The following USP49 variants were observed in gnomAD, a reference collection of about 807,000 sequenced individuals.
The protein encoded by USP49 is ubiquitin specific peptidase 49.
Under a neutral mutation model 58.6 loss-of-function variants are expected in USP49, and 24 were observed. The observed-to-expected ratio is 0.41, with a 90% CI of 0.30 to 0.58. The LOEUF is 0.58. Among genes scored for constraint, USP49 ranks in the 20% least tolerant of loss-of-function variants. The probability of loss-of-function intolerance (pLI) is 0.30; values close to 1 mark genes in which losing one functional copy is unlikely to be tolerated. For missense variants in USP49, 703 were observed against 866.1 expected (o/e 0.81, Z 2.36); for synonymous variants, 408 against 365.1 (o/e 1.12, Z -1.34).
At chr6:41,872,380 G>A (rs936093396) in intron 2 of USP49, among the ~76,000 whole-genome samples, 10 of 150,934 alleles carry the variant, frequency 6.6e-5, no homozygotes, top group African/African-American at 1.2e-4. Flanking sequence ...GGCGTCCGCC[G>A]CCCCATCTGG....
At chr6:41,823,219 TGGAAA>T (rs1298183964) in intron 3 of USP49, among the ~76,000 whole-genome samples, 1 of 152,126 alleles carries the variant, frequency 6.6e-6, no homozygotes, top group Non-Finnish European at 1.5e-5. Flanking sequence ...GGGATGGAGA[TGGAAA>T]GGAGACTCAG....
At position 41,798,808 on chromosome 6, in the gene USP49, A is replaced by G; in HGVS notation, c.1792T>C (p.Tyr598His). 1.9e-6 allele frequency: 3 copies of G among 1,614,076 alleles called. No homozygotes were observed. The highest frequency in any genetic ancestry group is 2.5e-6 in the Non-Finnish European group (3 of 1,180,028). ...TGCATGACCACTGCGGAGAGATCAT[A>G]GGCAAAGGTCTCTTTGTCAAGAGAG... is the stretch of plus-strand genomic sequence containing the variant. ...LSSLDKETFA[Y>H]DLSAVVMHHG... The change falls in exon 7 of 8, where the codon TAT becomes CAT. Residue 598 changes from tyrosine to histidine, a missense_variant. Physicochemically the swap from Tyr to His is moderately conservative, Grantham distance 83. Transcript: ENST00000682992.
chr6:41,890,511 G>A (rs536793593), intron 2 of USP49, among the ~76,000 whole-genome samples: 4 of 152,186 alleles, frequency 2.6e-5, no homozygotes, highest in East Asian at 1.9e-4. Flanking sequence ...CCAGGAGTTC[G>A]AGACAAGCCT....
rs530164504 is a variant in USP49, at chr6:41,860,150, C to T, written c.-29+11414G>A. 1.4e-3 allele frequency among the ~76,000 whole-genome samples: 208 copies of T among 152,260 alleles called. 1 individual carries two copies. The highest frequency in any genetic ancestry group is 2.2e-3 in the Non-Finnish European group (148 of 68,020). On this transcript the variant is annotated intron_variant, in intron 3 of 7. Coordinates refer to ENST00000682992, the MANE Select transcript of USP49 (RefSeq NM_001286554.2). Reference sequence around the variant, plus strand: ...CAGTGTATCCAATAACACTGGGATACAGTCACCAGTATTCAGACTGAGGGG... The same window carrying T: ...CAGTGTATCCAATAACACTGGGATATAGTCACCAGTATTCAGACTGAGGGG...
intron 1 of USP49, among the ~76,000 whole-genome samples, chr6:41,893,311 G>A (rs1454809484): frequency 6.6e-6 from 1 of 152,162 alleles, no homozygotes; most frequent in Non-Finnish European, 1.5e-5. Flanking sequence ...GGAACTCAAA[G>A]CCCTCAGCTC....
At chr6:41,831,242 T>C (rs1013064685) in intron 3 of USP49, among the ~76,000 whole-genome samples, 28 of 151,798 alleles carry the variant, frequency 1.8e-4, no homozygotes, top group Admixed American at 1.4e-3. Context: ...ATACAAAAAT[T>C]AGCCGGGCGT....
chr6:41,850,107 A>C lies in USP49; in HGVS notation c.-29+21457T>G, dbSNP rs138963293. ...AAAACATATGGGATACAGGAAAAGC[A>C]GTGTTAAGAGGTCAATTTATGGTTG... On this transcript the variant is annotated intron_variant, in intron 3 of 7. Transcript: ENST00000682992. Among the ~76,000 whole-genome samples, 5 of 152,310 alleles carry C rather than the reference A, an allele frequency of 3.3e-5. No individual in the cohort carries two copies. The East Asian group carries it at 9.6e-4, about 29-fold the overall frequency.
rs113292186 is a variant in USP49, at chr6:41,810,550, C to CT, written c.-28-3540dup. Among the ~76,000 whole-genome samples, 507 of 139,074 alleles carry CT rather than the reference C, an allele frequency of 3.6e-3. 3 individuals carry two copies. Among genetic ancestry groups the CT allele is most frequent in the East Asian group, 0.014 (68 of 4,796 alleles). The allele number at this position is 139,074 out of a possible 152,430, so 91.2% of individuals were successfully genotyped here. On this transcript the variant is annotated intron_variant, in intron 3 of 7. Coordinates refer to ENST00000682992, the MANE Select transcript of USP49 (RefSeq NM_001286554.2). ...ATTCAATTCCCTAAAGATAGTTCCTCTTTTTTTTTTTTTTGAGACAGAGCC... is the reference window on the plus strand; with the variant it reads ...ATTCAATTCCCTAAAGATAGTTCCTCTTTTTTTTTTTTTTTGAGACAGAGCC...
chr6:41,842,598 G>T (rs1773846571), intron 3 of USP49, among the ~76,000 whole-genome samples: 1 of 152,022 alleles, frequency 6.6e-6, no homozygotes, highest in African/African-American at 2.4e-5. Context: ...TATTCTACAA[G>T]GAGAGCCATG....
At chr6:41,848,040 G>C (rs569350888) in intron 3 of USP49, among the ~76,000 whole-genome samples, 1 of 152,162 alleles carries the variant, frequency 6.6e-6, no homozygotes, top group East Asian at 1.9e-4. Context: ...AAAGAAAATC[G>C]ATTCATCACA....
chr6:41,804,654 C>G (rs948926976), intron 4 of USP49, among the ~76,000 whole-genome samples: 2 of 152,182 alleles, frequency 1.3e-5, no homozygotes, highest in African/African-American at 4.8e-5. Context: ...ATTCATCATT[C>G]TTTCAAAGCC....
chr6:41,860,891 G>A (rs1774209541), intron 3 of USP49, among the ~76,000 whole-genome samples: 3 of 152,176 alleles, frequency 2.0e-5, no homozygotes, highest in Admixed American at 1.3e-4. Flanking sequence ...AGCACTTTGG[G>A]AGGCCGAGAC....
intron 5 of USP49, among the ~76,000 whole-genome samples, chr6:41,800,532 A>T (rs1772979164): frequency 6.6e-6 from 1 of 152,364 alleles, no homozygotes; most frequent in Admixed American, 6.5e-5. Flanking sequence ...GAGTAGAAGC[A>T]TATGTTAAGG....
chr6:41,830,613 G>A (rs901063304), intron 3 of USP49, among the ~76,000 whole-genome samples: 7 of 152,080 alleles, frequency 4.6e-5, no homozygotes, highest in Non-Finnish European at 7.4e-5. Context: ...ATCACCTGAG[G>A]TTAACCAGTT....
intron 3 of USP49, among the ~76,000 whole-genome samples, chr6:41,815,315 G>A (rs1224671845): frequency 6.6e-6 from 1 of 152,018 alleles, no homozygotes; most frequent in Non-Finnish European, 1.5e-5. Flanking sequence ...CAGCTACTAG[G>A]GAGGCTGAGG....
rs35468035 is a variant in USP49, at chr6:41,888,048, C to CTTT, written c.-103+3743_-103+3745dup. On this transcript the variant is annotated intron_variant, in intron 2 of 7. Transcript: ENST00000682992. ...GAGTGTTTTTAATTATCACAATCAG[C>CTTT]TTTTTTTTTTTTTTTTTTTTTTTTG... is the stretch of plus-strand genomic sequence containing the variant. 3.4e-3 allele frequency among the ~76,000 whole-genome samples: 291 copies of CTTT among 85,506 alleles called. 1 individual carries two copies. Among genetic ancestry groups the CTTT allele is most frequent in the African/African-American group, 3.6e-3 (82 of 22,522 alleles). The allele number at this position is 85,506 out of a possible 152,430, so 56.1% of individuals were successfully genotyped here.
intron 3 of USP49, among the ~76,000 whole-genome samples, chr6:41,854,000 G>GAA (rs1314186814): frequency 1.8e-5 from 2 of 113,172 alleles, no homozygotes; most frequent in African/African-American, 3.2e-5. Flanking sequence ...ACTCTGTCTC[G>GAA]AAAAAAAAAA....
intron 3 of USP49, among the ~76,000 whole-genome samples, chr6:41,815,360 C>G (rs1428343315): frequency 6.6e-6 from 1 of 151,532 alleles, no homozygotes. Context: ...GGCGGAGCTT[C>G]CAGTGAGCCA....
At chr6:41,880,204 T>TA (rs2127362710) in intron 2 of USP49, among the ~76,000 whole-genome samples, 1 of 151,868 alleles carries the variant, frequency 6.6e-6, no homozygotes, top group African/African-American at 2.4e-5. Context: ...AGAAAGGTCT[T>TA]AAGATGAAGT....
Sources: allele counts gnomAD v4.1 joint callset (sites outside exome capture counted in the v4.1 genomes callset), GRCh38; gene constraint gnomAD v4.1.1; transcripts MANE v1.5; gene names NCBI Gene and HGNC (gene_info 2026-07-23, HGNC 2026-07-21).